EFR3B: variants seen among roughly 807,000 people sequenced by gnomAD.
The protein encoded by EFR3B is protein EFR3 homolog B.
EFR3B carries 64 observed loss-of-function variants against 104.7 expected under a neutral mutation model. The observed-to-expected ratio is 0.61, with a 90% CI of 0.50 to 0.75. The LOEUF is 0.75. Among genes scored for constraint, EFR3B ranks in the 30% least tolerant of loss-of-function variants. EFR3B has a pLI of 0.00. For missense variants in EFR3B, 750 were observed against 1,078.5 expected, an observed-to-expected ratio of 0.70 and a Z score of 4.27; for synonymous variants, 385 against 417.9, an observed-to-expected ratio of 0.92 and a Z score of 0.96.
intron 5 of EFR3B, among the ~76,000 whole-genome samples, chr2:25,122,346 A>G (rs975834847): frequency 1.3e-5 from 2 of 152,188 alleles, no homozygotes; most frequent in Non-Finnish European, 2.9e-5. Context: ...TTTGAGCCCA[A>G]TTTGAGAGCC....
chr2:25,063,689 T>C (rs149896564), intron 1 of EFR3B, among the ~76,000 whole-genome samples: 635 of 152,324 alleles, frequency 4.2e-3, no homozygotes, highest in Middle Eastern at 0.01. Flanking sequence ...GAGAGCTTCA[T>C]AGATGTTAGC....
At chr2:25,111,018 G>A (rs1197149604) in intron 4 of EFR3B, among the ~76,000 whole-genome samples, 2 of 152,124 alleles carry the variant, frequency 1.3e-5, no homozygotes, top group East Asian at 1.9e-4. Flanking sequence ...TCTTTGCTGC[G>A]GTGTCACTTA....
rs56879620 is a variant in EFR3B, at chr2:25,134,185, T to A, written c.1311+751T>A. 6.0e-3 allele frequency among the ~76,000 whole-genome samples: 503 copies of A among 84,474 alleles called. 5 individuals are homozygous for A. Among genetic ancestry groups the A allele is most frequent in the African/African-American group, 0.029 (471 of 16,194 alleles). 55.4% of individuals were successfully genotyped at this position (84,474 alleles called of 152,430 possible). A position where few individuals can be genotyped will look rare whatever the true frequency, so the allele number is the denominator to read the frequency against. Reference sequence around the variant, plus strand: ...AGTAGGTCTCAGTTTATATTTTTTTTTTTTTTTTTTTGAGATGGAGTTTCG... The same window carrying A: ...AGTAGGTCTCAGTTTATATTTTTTTATTTTTTTTTTTGAGATGGAGTTTCG... On this transcript the variant is annotated intron_variant, in intron 12 of 22. Transcript: ENST00000403714.
intron 3 of EFR3B, among the ~76,000 whole-genome samples, chr2:25,097,832 G>C (rs1174107236): frequency 6.6e-6 from 1 of 152,162 alleles, no homozygotes; most frequent in Non-Finnish European, 1.5e-5. Context: ...TGCTGGGTAA[G>C]ACTCGCTCAG....
intron 4 of EFR3B, among the ~76,000 whole-genome samples, 175 bp from the exon 5 acceptor site, chr2:25,121,498 G>T: frequency 6.6e-6 from 1 of 152,200 alleles, no homozygotes; most frequent in East Asian, 1.9e-4. Context: ...TGCAACAGGA[G>T]AGGCGAGCGG....
At chr2:25,059,773 G>A (rs995781435) in intron 1 of EFR3B, among the ~76,000 whole-genome samples, 10 of 151,660 alleles carry the variant, frequency 6.6e-5, no homozygotes, top group South Asian at 2.1e-4. Flanking sequence ...TACTCGGGAG[G>A]CCGAGGCAGG....
At chr2:25,151,616 A>C (rs1172043060) in intron 20 of EFR3B, among the ~76,000 whole-genome samples, 1 of 152,124 alleles carries the variant, frequency 6.6e-6, no homozygotes, top group East Asian at 1.9e-4. Flanking sequence ...CAGGACCTTC[A>C]ATTTAAGAGT....
intron 1 of EFR3B, among the ~76,000 whole-genome samples, chr2:25,052,205 A>AAAAT (rs747082111): frequency 4.6e-5 from 7 of 152,016 alleles, no homozygotes; most frequent in Middle Eastern, 3.4e-3. Context: ...TCAAAAAATA[A>AAAAT]AAATAAATAA....
intron 1 of EFR3B, chr2:25,080,826 C>T: frequency 1.1e-6 from 1 of 917,452 alleles, no homozygotes. Context: ...TGAATCTTCA[C>T]CATTGGATTT....
rs912513201 is a variant in EFR3B, at chr2:25,113,249, C to CCAAA, written c.364-8411_364-8408dup. Among the ~76,000 whole-genome samples the CCAAA allele has an allele frequency of 2.0e-5, 3 of 152,070 alleles. 1 individual carries two copies. In the South Asian group the frequency reaches 6.2e-4, roughly 32 times the overall value. On this transcript the variant is annotated intron_variant, in intron 4 of 22. Coordinates refer to ENST00000403714, the MANE Select transcript of EFR3B (RefSeq NM_014971.2). Reference sequence around the variant, plus strand: ...AAAACAAAAAAACAAAACCAAATAACCAAACAAACAAACAAAAAACCATGA... The same window carrying CCAAA: ...AAAACAAAAAAACAAAACCAAATAACCAAACAAACAAACAAACAAAAAACCATGA...
chr2:25,133,333 A>T, intron 11 of EFR3B, 50 bp from the exon 12 acceptor site: 1 of 1,533,472 alleles, frequency 6.5e-7, no homozygotes, highest in Non-Finnish European at 8.8e-7. Flanking sequence ...CAAGTGTGTG[A>T]CCTCTGCCCT....
intron 1 of EFR3B, among the ~76,000 whole-genome samples, chr2:25,051,124 T>A (rs1667856022): frequency 6.6e-6 from 1 of 152,086 alleles, no homozygotes; most frequent in Non-Finnish European, 1.5e-5. Context: ...TTTTCTTCTG[T>A]TTTTTGAGAC....
Position 25,136,332 on chromosome 2 carries a change from AAGAG to A in EFR3B, c.1485-183_1485-180del, listed in dbSNP as rs1201883814. On this transcript the variant is annotated intron_variant, in intron 13 of 22. Transcript: ENST00000403714. The surrounding 1 kb of genome is among the most constrained non-coding windows in gnomAD (Gnocchi z 4.0). ...TAAGACCCTGTCTCAAAAAGGAAAA[AAGAG>A]AGAGAGATAAAGGGACAAATTCTTG... 2.0e-5 allele frequency among the ~76,000 whole-genome samples: 3 copies of A among 152,254 alleles called. No homozygotes were observed. Among genetic ancestry groups the A allele is most frequent in the South Asian group, 2.1e-4 (1 of 4,826 alleles).
At chr2:25,124,741 A>G (rs1304479945) in intron 5 of EFR3B, among the ~76,000 whole-genome samples, 1 of 139,554 alleles carries the variant, frequency 7.2e-6, no homozygotes, top group African/African-American at 2.7e-5. Flanking sequence ...TCTGTCTCAA[A>G]AAAAAAAAAA....
At chr2:25,102,616 C>G (rs1165976621) in intron 3 of EFR3B, among the ~76,000 whole-genome samples, 1 of 151,342 alleles carries the variant, frequency 6.6e-6, no homozygotes, top group Non-Finnish European at 1.5e-5. Flanking sequence ...TTCTCTCCAC[C>G]TGGTGCCCCC....
At chr2:25,113,192 A>C (rs572723336) in intron 4 of EFR3B, among the ~76,000 whole-genome samples, 16 of 152,156 alleles carry the variant, frequency 1.1e-4, no homozygotes, top group Non-Finnish European at 1.9e-4. Context: ...GTTTTTTGCT[A>C]TGGCGACTTT....
chr2:25,064,294 T>C (rs1668274627), intron 1 of EFR3B, among the ~76,000 whole-genome samples: 1 of 152,226 alleles, frequency 6.6e-6, no homozygotes, highest in Admixed American at 6.5e-5. Flanking sequence ...CTTTTCAGAA[T>C]CTGCATCTTA....
intron 15 of EFR3B, among the ~76,000 whole-genome samples, chr2:25,138,527 C>T (rs1670580654): frequency 6.6e-6 from 1 of 152,212 alleles, no homozygotes; most frequent in Admixed American, 6.5e-5. Flanking sequence ...CAGTCTCAGA[C>T]CACCTGTCTG....
intron 1 of EFR3B, among the ~76,000 whole-genome samples, chr2:25,082,682 T>G (rs1334669817): frequency 1.3e-5 from 2 of 152,190 alleles, no homozygotes; most frequent in Non-Finnish European, 2.9e-5. Flanking sequence ...GAGCACCCCC[T>G]GCCACCACCA....
Sources: gnomAD v4.1 joint callset for allele counts (sites outside exome capture counted in the v4.1 genomes callset) on GRCh38, gnomAD v4.1.1 for gene constraint, Gnocchi (gnomAD v3.1) non-coding constraint, MANE v1.5 for transcripts, NCBI Gene and HGNC (gene_info 2026-07-23, HGNC 2026-07-21) for gene names.